Variants in GALNT7 observed in about 807,000 individuals in gnomAD.
GALNT7 encodes the protein polypeptide N-acetylgalactosaminyltransferase 7.
In GALNT7, 60 loss-of-function variants were observed where a neutral mutation model predicts 82.1. The observed-to-expected ratio is 0.73, with a 90% CI of 0.59 to 0.91. The LOEUF (loss-of-function observed/expected upper bound fraction) is 0.91. Ranked by LOEUF, GALNT7 falls within the 40% of genes least tolerant of loss-of-function variation. The probability of loss-of-function intolerance (pLI) is 0.00; values close to 1 mark genes in which losing one functional copy is unlikely to be tolerated. For missense variants in GALNT7, 660 were observed against 804.2 expected, an observed-to-expected ratio of 0.82 and a Z score of 2.17; for synonymous variants, 243 against 275.1, an observed-to-expected ratio of 0.88 and a Z score of 1.15.
intron 5 of GALNT7, 89 bp from the exon 6 acceptor site, chr4:173,298,026 T>C (rs1736784046): frequency 7.7e-7 from 1 of 1,305,598 alleles, no homozygotes; most frequent in Non-Finnish European, 1.0e-6. Context: ...ATCTAAGTTC[T>C]TTTTTTTTTC....
At chr4:173,300,060 G>A (rs866610235) in intron 6 of GALNT7, among the ~76,000 whole-genome samples, 1 of 152,108 alleles carries the variant, frequency 6.6e-6, no homozygotes. Context: ...CTCAACAAAC[G>A]TTTATTGAAT....
chr4:173,226,711 A>C (rs1579930517), intron 1 of GALNT7, among the ~76,000 whole-genome samples: 1 of 152,098 alleles, frequency 6.6e-6, no homozygotes, highest in Admixed American at 6.5e-5. Flanking sequence ...GTGTAGAGAA[A>C]CACGTCCACC....
At chr4:173,242,592 A>C (rs1349752246) in intron 1 of GALNT7, among the ~76,000 whole-genome samples, 1 of 152,224 alleles carries the variant, frequency 6.6e-6, no homozygotes, top group East Asian at 1.9e-4. Flanking sequence ...GCAGCTCCCA[A>C]TGCAGTCATC....
intron 1 of GALNT7, among the ~76,000 whole-genome samples, chr4:173,225,578 T>G (rs1242463160): frequency 6.6e-6 from 1 of 152,230 alleles, no homozygotes; most frequent in Non-Finnish European, 1.5e-5. Context: ...AAGTATTTTA[T>G]GTAGTGCCTC....
intron 2 of GALNT7, among the ~76,000 whole-genome samples, chr4:173,283,379 C>T (rs548905371): frequency 1.3e-5 from 2 of 152,216 alleles, no homozygotes; most frequent in Admixed American, 6.5e-5. Context: ...CGTGGTCATG[C>T]CTCTAATCCC....
At chr4:173,297,889 G>C in intron 5 of GALNT7, 5 of 1,507,974 alleles carry the variant, frequency 3.3e-6, no homozygotes, top group Non-Finnish European at 4.4e-6. Flanking sequence ...TTTTGCCAGA[G>C]GGGCCTGGGA....
intron 1 of GALNT7, among the ~76,000 whole-genome samples, chr4:173,174,342 C>A (rs1379267465): frequency 6.6e-6 from 1 of 152,208 alleles, no homozygotes; most frequent in Non-Finnish European, 1.5e-5. Context: ...CAGCCACTGA[C>A]CATGTGCCCT....
At position 173,302,256 on chromosome 4, in the gene GALNT7, C is replaced by T. The variant is rs1736970808; in HGVS notation, c.1266+92C>T. ...GCTAGTTTTTTGTGGGGGAAAAAAG[C>T]CCACAATTATATCATGCATTTCTCC... On this transcript the variant is annotated intron_variant, in intron 7 of 11. Transcript: ENST00000265000. The surrounding 1 kb of genome is among the most constrained non-coding windows in gnomAD (Gnocchi z 4.2). 1 of 751,032 alleles carries T rather than the reference C, an allele frequency of 1.3e-6. No homozygotes were observed. The highest frequency in any genetic ancestry group is 1.8e-5 in the African/African-American group (1 of 56,868). 46.5% of individuals were successfully genotyped at this position (751,032 alleles called of 1,614,324 possible). A position where few individuals can be genotyped will look rare whatever the true frequency, so the allele number is the denominator to read the frequency against.
At position 173,295,462 on chromosome 4, in the gene GALNT7, A is replaced by G; in HGVS notation, c.821A>G (p.Asn274Ser). Residue 274 changes from asparagine to serine, a missense_variant, in exon 4 of 12, where the codon AAT becomes AGT. Asn to Ser is a conservative substitution (Grantham distance 46). Coordinates refer to ENST00000265000, the MANE Select transcript of GALNT7 (RefSeq NM_017423.3). ...AATGGCCTAGTGAAGGTATTTCGAA[A>G]TGAAAGAAGGGAAGGTTTAATTCAA... ...LWNGLVKVFR[N>S]ERREGLIQAR... 6.2e-7 allele frequency: 1 copy of G among 1,611,982 alleles called. No individual in the cohort carries two copies. Among genetic ancestry groups the G allele is most frequent in the Non-Finnish European group, 8.5e-7 (1 of 1,178,066 alleles).
chr4:173,250,659 G>A (rs1734814935), intron 2 of GALNT7, among the ~76,000 whole-genome samples: 1 of 152,062 alleles, frequency 6.6e-6, no homozygotes, highest in African/African-American at 2.4e-5. Flanking sequence ...ACAGAAATCA[G>A]TGTGGTCTTT....
At chr4:173,304,229 G>T in intron 8 of GALNT7, 111 bp downstream of exon 8, 1 of 802,662 alleles carries the variant, frequency 1.2e-6, no homozygotes, top group Non-Finnish European at 2.0e-6. Context: ...CAGCAGTCAT[G>T]TTGATTCTCA....
intron 1 of GALNT7, among the ~76,000 whole-genome samples, chr4:173,197,861 G>C (rs985703888): frequency 6.6e-6 from 1 of 152,128 alleles, no homozygotes; most frequent in Non-Finnish European, 1.5e-5. Flanking sequence ...GGTCGATTAG[G>C]GTGGTGAATT....
At chr4:173,199,902 C>T (rs936655696) in intron 1 of GALNT7, among the ~76,000 whole-genome samples, 9 of 152,110 alleles carry the variant, frequency 5.9e-5, no homozygotes, top group African/African-American at 9.7e-5. Context: ...GATGACCCTA[C>T]GGTGCTAAAT....
At chr4:173,205,501 T>G (rs1733059614) in intron 1 of GALNT7, among the ~76,000 whole-genome samples, 1 of 152,068 alleles carries the variant, frequency 6.6e-6, no homozygotes, top group Non-Finnish European at 1.5e-5. Context: ...TGCTGTCTTT[T>G]TTTTATGATT....
At chr4:173,241,678 T>G (rs1325282696) in intron 1 of GALNT7, among the ~76,000 whole-genome samples, 3 of 152,226 alleles carry the variant, frequency 2.0e-5, no homozygotes, top group Non-Finnish European at 2.9e-5. Context: ...GTCCCCAGGC[T>G]GGAGTGCAGT....
At chr4:173,278,710 C>A (rs1736001189) in intron 2 of GALNT7, among the ~76,000 whole-genome samples, 1 of 152,054 alleles carries the variant, frequency 6.6e-6, no homozygotes, top group Admixed American at 6.5e-5. Flanking sequence ...AAATACAGTG[C>A]CAATATAATT....
intron 1 of GALNT7, among the ~76,000 whole-genome samples, chr4:173,238,925 G>A (rs909932964): frequency 6.6e-6 from 1 of 151,976 alleles, no homozygotes; most frequent in Non-Finnish European, 1.5e-5. Flanking sequence ...TAATCAATTT[G>A]TTGTTTATTT....
intron 1 of GALNT7, among the ~76,000 whole-genome samples, chr4:173,242,985 C>T (rs1461403950): frequency 6.6e-6 from 1 of 152,188 alleles, no homozygotes; most frequent in East Asian, 1.9e-4. Flanking sequence ...TTCTGTGGCT[C>T]ATGAAGCATG....
At chr4:173,238,898 G>GT (rs1324110055) in intron 1 of GALNT7, among the ~76,000 whole-genome samples, 2 of 152,160 alleles carry the variant, frequency 1.3e-5, no homozygotes, top group Non-Finnish European at 2.9e-5. Flanking sequence ...AAGAATAAAA[G>GT]TTTTTTTGTA....
Sources: gnomAD v4.1 joint callset for allele counts (sites outside exome capture counted in the v4.1 genomes callset) on GRCh38, gnomAD v4.1.1 for gene constraint, Gnocchi (gnomAD v3.1) non-coding constraint, MANE v1.5 for transcripts, NCBI Gene and HGNC (gene_info 2026-07-23, HGNC 2026-07-21) for gene names.